Variants in FBLN5 observed in about 807,000 individuals in gnomAD.
The protein encoded by FBLN5 is fibulin-5.
A neutral mutation model predicts 61.6 loss-of-function variants in FBLN5; 24 were observed. That is an observed-to-expected ratio of 0.39 (90% CI 0.28 to 0.55). FBLN5 has a LOEUF of 0.55. Among genes scored for constraint, FBLN5 ranks in the 20% least tolerant of loss-of-function variants. The probability of loss-of-function intolerance (pLI) is 0.65; values close to 1 mark genes in which losing one functional copy is unlikely to be tolerated. For synonymous variants in FBLN5, 213 were observed against 219.8 expected (o/e 0.97, Z 0.27); for missense variants, 470 against 594.1 (o/e 0.79, Z 2.17).
rs374737765 is a variant in FBLN5 at position 91,877,515 on chromosome 14, C to T, written c.1157G>A (p.Gly386Glu). ...CATGTAAAATTCTCTGCCCTCATTC[C>T]CAGATTTGATCTGGAAAATGTAATA... ...GAYYIFQIKS[G>E]NEGREFYMRQ... Residue 386 changes from glycine (G) to glutamate (E), a missense_variant, in exon 10 of 11, where the codon GGG (glycine) becomes GAG (glutamate). Coordinates refer to ENST00000342058, the MANE Select transcript of FBLN5 (RefSeq NM_006329.4). 2 of 1,614,112 alleles carry T rather than the reference C, an allele frequency of 1.2e-6. No individual in the cohort carries two copies. The highest frequency in any genetic ancestry group is 1.7e-6 in the Non-Finnish European group (2 of 1,180,000).
chr14:91,872,381 T>C (rs556088823), intron 10 of FBLN5, among the ~76,000 whole-genome samples: 2 of 152,176 alleles, frequency 1.3e-5, no homozygotes, highest in African/African-American at 4.8e-5. Context: ...GAGGAAACAG[T>C]GTGAAGAAGA....
At chr14:91,870,433 G>A (rs1888866983) in intron 10 of FBLN5, 48 bp from the exon 11 acceptor site, 2 of 1,596,290 alleles carry the variant, frequency 1.3e-6, no homozygotes, top group East Asian at 4.5e-5. Flanking sequence ...CTGCATGGTG[G>A]CCCTGCAGCC....
In FBLN5 at chr14:91,942,948, T is replaced by C; in HGVS notation, c.31A>G (p.Thr11Ala). Reference protein sequence around the residue: MPGIKRILTVTILALCLPSPG... With the variant: MPGIKRILTVAILALCLPSPG... Reference sequence around the variant, plus strand: ...CTTGGAAGACAGAGAGCCAGAATGGTAACAGTGAGTATCCTGTGGAGGTGA... The same window carrying C: ...CTTGGAAGACAGAGAGCCAGAATGGCAACAGTGAGTATCCTGTGGAGGTGA... Residue 11 changes from threonine to alanine, a missense_variant, in exon 2 of 11, where the codon ACC (threonine) becomes GCC (alanine). By Grantham distance (58) the Thr-to-Ala change is moderately conservative. Coordinates refer to ENST00000342058, the MANE Select transcript of FBLN5 (RefSeq NM_006329.4). The C allele has an allele frequency of 6.4e-7, 1 of 1,550,940 alleles. No individual in the cohort carries two copies. The highest frequency in any genetic ancestry group is 8.7e-7 in the Non-Finnish European group (1 of 1,144,466).
intron 4 of FBLN5, among the ~76,000 whole-genome samples, chr14:91,913,419 C>G (rs1891044099): frequency 6.6e-6 from 1 of 152,104 alleles, no homozygotes; most frequent in Non-Finnish European, 1.5e-5. Context: ...GAACCGTTAC[C>G]TAAATCTATT....
At chr14:91,904,448 C>A (rs1000894385) in intron 4 of FBLN5, among the ~76,000 whole-genome samples, 5 of 152,234 alleles carry the variant, frequency 3.3e-5, no homozygotes, top group Non-Finnish European at 5.9e-5. Context: ...TAGTCCCACC[C>A]TAGCAATGGC....
At chr14:91,910,093 T>A (rs1890856040) in intron 4 of FBLN5, among the ~76,000 whole-genome samples, 1 of 152,214 alleles carries the variant, frequency 6.6e-6, no homozygotes, top group Non-Finnish European at 1.5e-5. Flanking sequence ...AGCAGCATTA[T>A]TCACAATAGC....
At chr14:91,946,482 C>G (rs970257851) in intron 1 of FBLN5, among the ~76,000 whole-genome samples, 12 of 151,858 alleles carry the variant, frequency 7.9e-5, no homozygotes, top group Admixed American at 3.3e-4. Flanking sequence ...GTGCTGGTCC[C>G]CAATCCAGGA....
At chr14:91,914,115 G>A (rs1891078270) in intron 4 of FBLN5, among the ~76,000 whole-genome samples, 1 of 152,202 alleles carries the variant, frequency 6.6e-6, no homozygotes, top group South Asian at 2.1e-4. Context: ...GGCCAAGGCA[G>A]GCAGATCACT....
chr14:91,871,028 G>A (rs1461307383), intron 10 of FBLN5, among the ~76,000 whole-genome samples: 1 of 152,032 alleles, frequency 6.6e-6, no homozygotes, highest in African/African-American at 2.4e-5. Context: ...GGAGGAGGGA[G>A]GGGATTGAAA....
At chr14:91,946,927 CT>C in intron 1 of FBLN5, 6 of 1,457,270 alleles carry the variant, frequency 4.1e-6, no homozygotes, top group Non-Finnish European at 5.4e-6. Flanking sequence ...AGTTGCTGCC[CT>C]TTCCAGAAAA....
At chr14:91,878,468 C>T (rs977241406) in intron 9 of FBLN5, among the ~76,000 whole-genome samples, 1 of 152,150 alleles carries the variant, frequency 6.6e-6, no homozygotes, top group African/African-American at 2.4e-5. Flanking sequence ...TGAGACTCCA[C>T]CTAGGGGCCA....
rs1234505626 is a variant in FBLN5, at chr14:91,902,287, T to TG, written c.380-7216_380-7215insC. ...TTTTTTTGTTTGTTTGTTTGTTTTTTTTTTTTTTTTTTCAAAAAGCCATGA... is the reference window on the plus strand; with the variant it reads ...TTTTTTTGTTTGTTTGTTTGTTTTTTGTTTTTTTTTTTTCAAAAAGCCATGA... On this transcript the variant is annotated intron_variant, in intron 4 of 10. Transcript: ENST00000342058. 9.5e-4 allele frequency among the ~76,000 whole-genome samples: 143 copies of TG among 151,262 alleles called. 1 individual carries two copies. Among genetic ancestry groups the TG allele is most frequent in the African/African-American group, 3.3e-3 (138 of 41,288 alleles).
chr14:91,946,753 C>A (rs1469173146), intron 1 of FBLN5: 3 of 1,535,984 alleles, frequency 2.0e-6, no homozygotes, highest in Non-Finnish European at 2.6e-6. Flanking sequence ...TGGCTTGAAA[C>A]TTCTGTGAGA....
At chr14:91,894,592 C>T (rs1273978792) in intron 5 of FBLN5, among the ~76,000 whole-genome samples, 5 of 151,086 alleles carry the variant, frequency 3.3e-5, no homozygotes, top group African/African-American at 1.2e-4. Flanking sequence ...CGTGGTGGCA[C>T]ATGCCTATGA....
Position 91,894,984 on chromosome 14 carries a change from G to T in FBLN5, c.468C>A (p.Thr156=). 6.2e-7 allele frequency: 1 copy of T among 1,614,076 alleles called. No individual in the cohort carries two copies. The highest frequency in any genetic ancestry group is 8.5e-7 in the Non-Finnish European group (1 of 1,180,000). Residue 156 remains threonine (T), a synonymous_variant, in exon 5 of 11, where the codon ACC becomes ACA. Coordinates refer to ENST00000342058, the MANE Select transcript of FBLN5 (RefSeq NM_006329.4). The part of the protein sequence containing the change: ...NTEGGYTCSC[T]DGYWLLEGQC... The stretch of plus-strand genomic sequence containing the variant: ...GGCCTTCCAGAAGCCAATATCCGTC[G>T]GTGCAGGAGCAGGTGTACCCGCCTT...
intron 4 of FBLN5, among the ~76,000 whole-genome samples, chr14:91,921,357 C>T (rs935979495): frequency 6.6e-6 from 1 of 152,176 alleles, no homozygotes; most frequent in Admixed American, 6.5e-5. Flanking sequence ...AGCCAGCTAA[C>T]AGGTACTTAG....
intron 4 of FBLN5, among the ~76,000 whole-genome samples, chr14:91,900,435 T>G (rs900325774): frequency 6.6e-6 from 1 of 152,226 alleles, no homozygotes; most frequent in Non-Finnish European, 1.5e-5. Context: ...TAACACAAAT[T>G]CTAACAGAAA....
In FBLN5 at chr14:91,871,262, T is replaced by C. The variant is rs1046623330; in HGVS notation, c.1186-877A>G. On this transcript the variant is annotated intron_variant, in intron 10 of 10. Coordinates refer to ENST00000342058, the MANE Select transcript of FBLN5 (RefSeq NM_006329.4). ...AAGGCATCAAAGGCTACTGGAACTT[T>C]TTTTGTTAAACTAACAATTCCAGGG... Among the ~76,000 whole-genome samples the C allele has an allele frequency of 1.2e-3, 186 of 151,730 alleles. 2 individuals are homozygous for C. Among genetic ancestry groups the C allele is most frequent in the Admixed American group, 3.7e-3 (56 of 15,238 alleles).
At chr14:91,916,676 G>A (rs1211367336) in intron 4 of FBLN5, among the ~76,000 whole-genome samples, 1 of 152,166 alleles carries the variant, frequency 6.6e-6, no homozygotes, top group African/African-American at 2.4e-5. Context: ...ATGGAAGGGT[G>A]TGTGTATGAC....
Sources: allele counts gnomAD v4.1 joint callset (sites outside exome capture counted in the v4.1 genomes callset), GRCh38; gene constraint gnomAD v4.1.1; transcripts MANE v1.5; gene names NCBI Gene and HGNC (gene_info 2026-07-23, HGNC 2026-07-21).